SPOCK3: variants seen among roughly 807,000 people sequenced by gnomAD.
SPOCK3 encodes the protein SPARC (osteonectin), cwcv and kazal like domains proteoglycan 3.
In SPOCK3, 30 loss-of-function variants were observed where a neutral mutation model predicts 56.6. That is an observed-to-expected ratio of 0.53 (90% CI 0.40 to 0.72). The LOEUF (loss-of-function observed/expected upper bound fraction) is 0.72. Ranked by LOEUF, SPOCK3 falls within the 30% of genes least tolerant of loss-of-function variation. SPOCK3 has a pLI of 0.00. For missense variants in SPOCK3, 527 were observed against 530.0 expected (o/e 0.99, Z 0.06); for synonymous variants, 196 against 183.3 (o/e 1.07, Z -0.56).
chr4:166,908,662 C>T (rs977981473), intron 5 of SPOCK3, among the ~76,000 whole-genome samples: 6 of 151,834 alleles, frequency 4.0e-5, no homozygotes, highest in African/African-American at 1.4e-4. Flanking sequence ...TTAAAATCAT[C>T]CACTGTTGTC....
rs1409213982 is a variant in SPOCK3 at position 167,189,467 on chromosome 4, A to T, written c.189+44518T>A. The stretch of plus-strand genomic sequence containing the variant: ...AAAGGCATTCATCAGTCCAAAAAAA[A>T]TTTATTATTTTTTTCCAGCTTTATT... On this transcript the variant is annotated intron_variant, in intron 2 of 10. Transcript: ENST00000357545. Among the ~76,000 whole-genome samples, 5 of 145,858 alleles carry T rather than the reference A, an allele frequency of 3.4e-5. 1 individual carries two copies. The highest frequency in any genetic ancestry group is 2.1e-4 in the Admixed American group (3 of 14,202).
chr4:167,008,275 T>C (rs1749661486), intron 3 of SPOCK3, among the ~76,000 whole-genome samples: 1 of 152,010 alleles, frequency 6.6e-6, no homozygotes, highest in African/African-American at 2.4e-5. Flanking sequence ...GTGATTCTTA[T>C]ACCATGTCGA....
chr4:167,169,817 G>T (rs1580503049), intron 2 of SPOCK3, among the ~76,000 whole-genome samples: 1 of 152,062 alleles, frequency 6.6e-6, no homozygotes, highest in Non-Finnish European at 1.5e-5. Flanking sequence ...GGAGCCAGGT[G>T]GCAATAAATG....
At chr4:166,768,700 G>A (rs10008270) in intron 7 of SPOCK3, among the ~76,000 whole-genome samples, 50,165 of 151,868 alleles carry the variant, frequency 0.33, 8,449 homozygotes, top group Admixed American at 0.42. Context: ...TCTTTGTGGC[G>A]TTCTCTGTAT....
At chr4:166,990,278 T>C (rs1185405150) in intron 4 of SPOCK3, among the ~76,000 whole-genome samples, 1 of 152,112 alleles carries the variant, frequency 6.6e-6, no homozygotes, top group African/African-American at 2.4e-5. Flanking sequence ...AGAAGTAAAT[T>C]GAGCTCCATA....
chr4:167,112,225 A>C (rs1409378359), intron 2 of SPOCK3, among the ~76,000 whole-genome samples: 1 of 152,154 alleles, frequency 6.6e-6, no homozygotes, highest in Admixed American at 6.6e-5. Flanking sequence ...AATCCCCTAG[A>C]GGAGTGTCTT....
At chr4:166,885,593 T>G (rs917457592) in intron 6 of SPOCK3, among the ~76,000 whole-genome samples, 7 of 152,080 alleles carry the variant, frequency 4.6e-5, no homozygotes, top group Admixed American at 3.9e-4. Context: ...TTCTACTTCC[T>G]CCTTTTTTAC....
intron 4 of SPOCK3, among the ~76,000 whole-genome samples, chr4:166,967,160 C>T (rs963937101): frequency 6.6e-6 from 1 of 152,150 alleles, no homozygotes; most frequent in Non-Finnish European, 1.5e-5. Context: ...TTGGTCACCT[C>T]AGCAGCCCTG....
intron 3 of SPOCK3, among the ~76,000 whole-genome samples, chr4:167,025,359 C>A (rs1751603528): frequency 6.6e-6 from 1 of 151,968 alleles, no homozygotes. Context: ...ATGAGGCTCT[C>A]TGATGAAACT....
At chr4:166,930,161 GC>G (rs1739576919) in intron 4 of SPOCK3, among the ~76,000 whole-genome samples, 2 of 151,764 alleles carry the variant, frequency 1.3e-5, no homozygotes, top group Admixed American at 6.6e-5. Context: ...AAAATGTTTT[GC>G]TAGAAGCATA....
chr4:167,171,419 A>G (rs1561288916), intron 2 of SPOCK3, among the ~76,000 whole-genome samples: 1 of 152,186 alleles, frequency 6.6e-6, no homozygotes, highest in Non-Finnish European at 1.5e-5. Context: ...ACTTGTCTAC[A>G]GCATGTAACC....
chr4:166,882,540 T>C (rs929471190), intron 6 of SPOCK3, among the ~76,000 whole-genome samples: 20 of 152,298 alleles, frequency 1.3e-4, no homozygotes, highest in African/African-American at 4.6e-4. Context: ...TGCCATATTA[T>C]GTATTGGAAA....
intron 2 of SPOCK3, among the ~76,000 whole-genome samples, chr4:167,072,456 T>C (rs1756773263): frequency 6.6e-6 from 1 of 151,910 alleles, no homozygotes; most frequent in Non-Finnish European, 1.5e-5. Flanking sequence ...TACACTATCT[T>C]ATACCATCCT....
chr4:166,795,089 TAAGAG>T (rs1164571756), intron 6 of SPOCK3, among the ~76,000 whole-genome samples: 1 of 152,210 alleles, frequency 6.6e-6, no homozygotes, highest in Non-Finnish European at 1.5e-5. Context: ...AGGTGAGATC[TAAGAG>T]AAGACAATGA....
intron 2 of SPOCK3, among the ~76,000 whole-genome samples, chr4:167,189,005 AT>A (rs1477415281): frequency 6.8e-6 from 1 of 146,242 alleles, no homozygotes; most frequent in African/African-American, 2.6e-5. Flanking sequence ...TCCGTCAAAC[AT>A]TTCAGAATGA....
intron 2 of SPOCK3, among the ~76,000 whole-genome samples, chr4:167,197,764 A>T (rs1733102712): frequency 6.6e-6 from 1 of 152,174 alleles, no homozygotes; most frequent in Admixed American, 6.6e-5. Flanking sequence ...TCAAAAAATA[A>T]GCATGAAAAA....
chr4:167,174,635 T>G (rs1337944637), intron 2 of SPOCK3, among the ~76,000 whole-genome samples: 1 of 152,104 alleles, frequency 6.6e-6, no homozygotes, highest in Non-Finnish European at 1.5e-5. Context: ...CGGATGAGAA[T>G]GAAGGCTCTA....
chr4:166,853,118 T>C (rs1228645109), intron 6 of SPOCK3, among the ~76,000 whole-genome samples: 1 of 152,130 alleles, frequency 6.6e-6, no homozygotes, highest in Non-Finnish European at 1.5e-5. Flanking sequence ...AAGGAAAAAA[T>C]CTAAAATTTG....
At chr4:167,187,840 C>T (rs1252116072) in intron 2 of SPOCK3, among the ~76,000 whole-genome samples, 2 of 152,094 alleles carry the variant, frequency 1.3e-5, no homozygotes, top group African/African-American at 2.4e-5. Context: ...AGGACATTTG[C>T]TATGCAAAGC....
Sources: gnomAD v4.1 joint callset for allele counts (sites outside exome capture counted in the v4.1 genomes callset) on GRCh38, gnomAD v4.1.1 for gene constraint, MANE v1.5 for transcripts, NCBI Gene and HGNC (gene_info 2026-07-23, HGNC 2026-07-21) for gene names.